Variants in ALK observed in about 807,000 individuals in gnomAD.
ALK encodes ALK tyrosine kinase receptor.
A neutral mutation model predicts 163.1 loss-of-function variants in ALK; 74 were observed. The observed-to-expected ratio is 0.45, with a 90% CI of 0.38 to 0.55. ALK has a LOEUF of 0.55. Among genes scored for constraint, ALK ranks in the 20% least tolerant of loss-of-function variants. ALK has a pLI of 0.00. For missense variants in ALK, 2,063 were observed against 2,105.3 expected (o/e 0.98, Z 0.39); for synonymous variants, 960 against 843.2 (o/e 1.14, Z -2.40).
At chr2:29,825,400 T>C (rs867090626) in intron 1 of ALK, among the ~76,000 whole-genome samples, 8 of 152,196 alleles carry the variant, frequency 5.3e-5, no homozygotes, top group Admixed American at 4.6e-4. Flanking sequence ...CATGTCTTAA[T>C]GAATTTACAA....
At chr2:29,821,018 T>C (rs901251708) in intron 1 of ALK, among the ~76,000 whole-genome samples, 3 of 152,160 alleles carry the variant, frequency 2.0e-5, no homozygotes, top group Non-Finnish European at 4.4e-5. Context: ...ATAGCATGCT[T>C]ATTCTACCTG....
chr2:29,647,695 C>G (rs987635360), intron 3 of ALK, among the ~76,000 whole-genome samples: 3 of 151,588 alleles, frequency 2.0e-5, no homozygotes, highest in African/African-American at 7.3e-5. Context: ...CCTTTTCACA[C>G]AAACCGTCAA....
chr2:29,293,661 T>C (rs1472308810), intron 9 of ALK, among the ~76,000 whole-genome samples: 1 of 152,152 alleles, frequency 6.6e-6, no homozygotes, highest in African/African-American at 2.4e-5. Context: ...TGTAGCATGG[T>C]ACAACTGAGT....
intron 1 of ALK, among the ~76,000 whole-genome samples, chr2:29,769,346 T>A (rs1338317129): frequency 6.6e-6 from 1 of 152,142 alleles, no homozygotes; most frequent in African/African-American, 2.4e-5. Flanking sequence ...GACTTTCACT[T>A]TTTTCTGTGT....
At chr2:29,705,220 CAAAAA>C (rs1477462349) in intron 2 of ALK, among the ~76,000 whole-genome samples, 2 of 64,774 alleles carry the variant, frequency 3.1e-5, no homozygotes, top group Middle Eastern at 0.011. Flanking sequence ...TCCATCTCAA[CAAAAA>C]AAGAAAAGAA....
At chr2:29,294,818 C>A (rs1263068845) in intron 9 of ALK, among the ~76,000 whole-genome samples, 1 of 152,194 alleles carries the variant, frequency 6.6e-6, no homozygotes, top group Non-Finnish European at 1.5e-5. Context: ...TGGCAGTTTT[C>A]AAACTTGGCA....
At chr2:29,758,179 T>G (rs139608093) in intron 1 of ALK, among the ~76,000 whole-genome samples, 2 of 151,814 alleles carry the variant, frequency 1.3e-5, no homozygotes, top group African/African-American at 4.8e-5. Flanking sequence ...CCTGGCTAAT[T>G]TTTTGTCTTT....
In ALK at chr2:29,920,586, G is replaced by A. The variant is rs753812499; in HGVS notation, c.74C>T (p.Thr25Ile). 1.3e-5 allele frequency: 20 copies of A among 1,577,190 alleles called. No homozygotes were observed. The highest frequency in any genetic ancestry group is 1.8e-5 in the Admixed American group (1 of 56,274). ...STAAVGSGMG[T>I]GQRAGSPAAG... The stretch of plus-strand genomic sequence containing the variant: ...AGCTGGGGAGCCCGCGCGCTGGCCG[G>A]TCCCCATCCCGGAGCCCACAGCTGC... Residue 25 changes from threonine to isoleucine, a missense_variant, in exon 1 of 29, where the codon ACC (threonine) becomes ATC (isoleucine). Thr to Ile is a moderately conservative substitution (Grantham distance 89). Around this residue, in one of 5 missense-constraint regions of ALK, gnomAD observed 987 missense variants for 939.5 expected, o/e 1.05. Transcript: ENST00000389048.
chr2:29,541,373 A>G (rs570063866), intron 3 of ALK, among the ~76,000 whole-genome samples: 36 of 152,288 alleles, frequency 2.4e-4, no homozygotes, highest in Middle Eastern at 3.4e-3. Flanking sequence ...GTTCACTGTA[A>G]CCTCTGCCAT....
intron 3 of ALK, among the ~76,000 whole-genome samples, chr2:29,615,056 C>T (rs2148224319): frequency 6.6e-6 from 1 of 152,276 alleles, no homozygotes; most frequent in South Asian, 2.1e-4. Flanking sequence ...TGAACTCAAG[C>T]AATCCACCTG....
At chr2:29,701,586 G>A (rs973673207) in intron 2 of ALK, among the ~76,000 whole-genome samples, 2 of 152,178 alleles carry the variant, frequency 1.3e-5, no homozygotes, top group Admixed American at 6.5e-5. Flanking sequence ...ATGAAGTAAA[G>A]CTGGAGGTCT....
At chr2:29,787,884 C>A (rs183504105) in intron 1 of ALK, among the ~76,000 whole-genome samples, 1 of 152,310 alleles carries the variant, frequency 6.6e-6, no homozygotes, top group East Asian at 1.9e-4. Context: ...CTTCTGTGAA[C>A]ATGAATTCCA....
chr2:29,833,182 C>T (rs777236505), intron 1 of ALK, among the ~76,000 whole-genome samples: 3 of 152,218 alleles, frequency 2.0e-5, no homozygotes, highest in Non-Finnish European at 4.4e-5. Flanking sequence ...CTTCTCCTCT[C>T]CTCTGTTGGA....
At chr2:29,250,136 A>G (rs1346149246) in intron 12 of ALK, among the ~76,000 whole-genome samples, 2 of 152,174 alleles carry the variant, frequency 1.3e-5, no homozygotes, top group Non-Finnish European at 2.9e-5. Context: ...CCTGGGGGAC[A>G]CTGTTCCCAC....
In ALK at chr2:29,675,708, T is replaced by C. The variant is rs116473821; in HGVS notation, c.952+19142A>G. On this transcript the variant is annotated intron_variant, in intron 3 of 28. Transcript: ENST00000389048. ...TTTACCTTCTTTGCAGCTCAGTTTG[T>C]TTATTTACAAAATAATGAGTATACC... Among the ~76,000 whole-genome samples the C allele has an allele frequency of 4.7e-3, 712 of 152,150 alleles. 8 individuals are homozygous for C. The highest frequency in any genetic ancestry group is 0.015 in the African/African-American group (619 of 41,552).
At chr2:29,535,993 A>T (rs1281799608) in intron 3 of ALK, among the ~76,000 whole-genome samples, 1 of 152,150 alleles carries the variant, frequency 6.6e-6, no homozygotes. Context: ...CTCCCGATTT[A>T]CACACATACA....
chr2:29,684,205 A>C (rs993131004), intron 3 of ALK, among the ~76,000 whole-genome samples: 2 of 152,190 alleles, frequency 1.3e-5, no homozygotes, highest in African/African-American at 4.8e-5. Flanking sequence ...TATTTGATAT[A>C]TAGAAATCAG....
At chr2:29,318,468 G>A in intron 7 of ALK, 64 bp from the exon 8 acceptor site, 2 of 1,154,668 alleles carry the variant, frequency 1.7e-6, no homozygotes, top group Non-Finnish European at 2.6e-6. Context: ...AGGGGTGCAG[G>A]GTTAATGGAC....
intron 3 of ALK, among the ~76,000 whole-genome samples, chr2:29,680,253 T>G (rs1678022867): frequency 6.6e-6 from 1 of 152,052 alleles, no homozygotes; most frequent in Non-Finnish European, 1.5e-5. Context: ...AGGCCATTAT[T>G]TCTTCAAAAA....
Sources: gnomAD v4.1 joint callset for allele counts (sites outside exome capture counted in the v4.1 genomes callset) on GRCh38, gnomAD v4.1.1 for gene constraint, gnomAD v4.1.1 regional missense constraint, MANE v1.5 for transcripts, NCBI Gene and HGNC (gene_info 2026-07-23, HGNC 2026-07-21) for gene names.